HKDC1: variants seen among roughly 807,000 people sequenced by gnomAD.
The protein encoded by HKDC1 is hexokinase domain containing 1.
In HKDC1, 66 loss-of-function variants were observed where a neutral mutation model predicts 96.6. That is an observed-to-expected ratio of 0.68 (90% confidence interval 0.56 to 0.84). The LOEUF (loss-of-function observed/expected upper bound fraction) is 0.84, where lower values mean the gene tolerates loss of function less well. Among genes scored for constraint, HKDC1 ranks in the 40% least tolerant of loss-of-function variants. The pLI, the probability that HKDC1 is intolerant of heterozygous loss-of-function variation, is 0.00. For missense variants in HKDC1, 1,211 were observed against 1,208.1 expected, an observed-to-expected ratio of 1.00 and a Z score of -0.04; for synonymous variants, 466 against 473.1, an observed-to-expected ratio of 0.98 and a Z score of 0.20.
At chr10:69,244,616 G>A (rs1232192539) in intron 7 of HKDC1, among the ~76,000 whole-genome samples, 1 of 151,870 alleles carries the variant, frequency 6.6e-6, no homozygotes, top group African/African-American at 2.4e-5. Flanking sequence ...TGGAATTTGA[G>A]ACCAGCTTGG....
chr10:69,265,847 G>A (rs1333901528), intron 17 of HKDC1, 29 bp downstream of exon 17: 9 of 1,548,776 alleles, frequency 5.8e-6, no homozygotes, highest in South Asian at 2.3e-5. Flanking sequence ...CGTGGCGGGT[G>A]GGGCTGGGGA....
intron 12 of HKDC1, 24 bp downstream of exon 12, chr10:69,250,676 C>T (rs766342528): frequency 1.2e-5 from 20 of 1,611,320 alleles, no homozygotes; most frequent in East Asian, 8.9e-5. Flanking sequence ...ACCAGGCTCA[C>T]GGCCAGCCCA....
rs553386047 is a variant in HKDC1 at position 69,250,187 on chromosome 10, A to G, written c.1571-103A>G. The G allele has an allele frequency of 4.9e-5, 63 of 1,273,538 alleles. No homozygotes were observed. The African/African-American group carries it at 7.8e-4, about 16-fold the overall frequency. 78.9% of individuals were successfully genotyped at this position (1,273,538 alleles called of 1,614,324 possible). A position where few individuals can be genotyped will look rare whatever the true frequency, so the allele number is the denominator to read the frequency against. ...GACCCTCTGGTCTATGAGGCCCAGGAGTGCAGGCCCTGGGTCCGCTCTGCT... is the reference window on the plus strand; with the variant it reads ...GACCCTCTGGTCTATGAGGCCCAGGGGTGCAGGCCCTGGGTCCGCTCTGCT... On this transcript the variant is annotated intron_variant, in intron 10 of 17. Transcript: ENST00000354624.
At chr10:69,223,192 A>G (rs1843094458) in intron 1 of HKDC1, 1 of 152,220 alleles carries the variant, frequency 6.6e-6, no homozygotes, top group South Asian at 2.1e-4. Flanking sequence ...CCACAGGAGA[A>G]CTGGGAGGTT....
rs35746503 is a variant in HKDC1 at position 69,232,878 on chromosome 10, C to G, written c.341C>G (p.Thr114Arg). The part of the protein sequence containing the change: ...HVQMESQFYP[T>R]PNEIIRGNGT... ...CAGATGGAGAGTCAGTTCTACCCAA[C>G]GCCCAATGAAATCATCCGCGGGAAC... Residue 114 changes from threonine (T) to arginine (R), a missense_variant, in exon 3 of 18, where the codon ACG (threonine) becomes AGG (arginine). Transcript: ENST00000354624. The G allele has an allele frequency of 6.2e-7, 1 of 1,613,764 alleles. No individual in the cohort carries two copies. The highest frequency in any genetic ancestry group is 1.7e-5 in the Admixed American group (1 of 60,030).
In HKDC1 at chr10:69,220,375, G is replaced by A. The variant is rs1353446662; in HGVS notation, c.-61G>A. ...TGGAAGCGTGCAACACTCCAGAGTC[G>A]TAGGAGTGAACACTGCACAGGAATC... On this transcript the variant is annotated 5_prime_UTR_variant, in exon 1 of 18. Transcript: ENST00000354624. 35 of 1,338,620 alleles carry A rather than the reference G, an allele frequency of 2.6e-5. No individual in the cohort carries two copies. Among genetic ancestry groups the A allele is most frequent in the South Asian group, 1.3e-4 (9 of 71,432 alleles). The allele number at this position is 1,338,620 out of a possible 1,614,324, so 82.9% of individuals were successfully genotyped here. A position where few individuals can be genotyped will look rare whatever the true frequency, so the allele number is the denominator to read the frequency against.
intron 2 of HKDC1, among the ~76,000 whole-genome samples, chr10:69,228,633 A>AG (rs996835777): frequency 1.3e-4 from 20 of 152,124 alleles, no homozygotes; most frequent in African/African-American, 4.6e-4. Context: ...TGGGAGGCCG[A>AG]GGGGGGCAGA....
intron 4 of HKDC1, among the ~76,000 whole-genome samples, chr10:69,236,673 G>A (rs112639815): frequency 0.11 from 17,115 of 151,624 alleles, 1,113 homozygotes; most frequent in Middle Eastern, 0.18. Flanking sequence ...CCAGCTACTC[G>A]GGAGGCTGAG....
At chr10:69,246,283 C>T in intron 8 of HKDC1, 49 bp downstream of exon 8, 1 of 1,599,222 alleles carries the variant, frequency 6.3e-7, no homozygotes, top group Non-Finnish European at 8.6e-7. Flanking sequence ...GGATGGGAGG[C>T]CCAGGTGTGG....
In HKDC1 at chr10:69,227,340, C is replaced by T. The variant is rs74138158; in HGVS notation, c.197C>T (p.Thr66Ile). 1.4e-3 allele frequency: 2,206 copies of T among 1,614,220 alleles called. 28 individuals are homozygous for T. In the African/African-American group the frequency reaches 0.026, roughly 19 times the overall value. Residue 66 changes from threonine (T) to isoleucine (I), a missense_variant, in exon 2 of 18, where the codon ACC becomes ATC. Coordinates refer to ENST00000354624, the MANE Select transcript of HKDC1 (RefSeq NM_025130.4). ...ACGGCTGCAGTGAAGATGTTGCCCA[C>T]CTTCGTCAGGGCCATTCCCGATGGT... ...NPTAAVKMLP[T>I]FVRAIPDGSE...
intron 12 of HKDC1, among the ~76,000 whole-genome samples, chr10:69,252,890 C>A (rs1389472838): frequency 6.6e-6 from 1 of 151,242 alleles, no homozygotes; most frequent in Admixed American, 6.6e-5. Context: ...ATCCTAGCAC[C>A]GTGGGAGGCC....
intron 4 of HKDC1, among the ~76,000 whole-genome samples, chr10:69,234,108 C>T (rs1843323506): frequency 6.6e-6 from 1 of 152,030 alleles, no homozygotes; most frequent in Non-Finnish European, 1.5e-5. Context: ...CGTTCTGGGG[C>T]CAGGTTGGGG....
At chr10:69,221,216 CAAG>C (rs958563875) in intron 1 of HKDC1, among the ~76,000 whole-genome samples, 1 of 152,096 alleles carries the variant, frequency 6.6e-6, no homozygotes, top group Non-Finnish European at 1.5e-5. Flanking sequence ...ATGTGGGCAG[CAAG>C]AAGGTGTGAG....
chr10:69,257,052 G>C lies in HKDC1; in HGVS notation c.1853G>C (p.Trp618Ser). Reference protein sequence around the residue: ...MSIDKGTLIGWTKGFKATDCE... With the variant: ...MSIDKGTLIGSTKGFKATDCE... ...TTCTTTCAGGGAACACTCATAGGGT[G>C]GACCAAAGGTTTCAAGGCCACTGAC... Residue 618 changes from tryptophan to serine, a missense_variant, in exon 13 of 18, where the codon TGG becomes TCG. Coordinates refer to ENST00000354624, the MANE Select transcript of HKDC1 (RefSeq NM_025130.4). 1 of 1,613,936 alleles carries C rather than the reference G, an allele frequency of 6.2e-7. No homozygotes were observed. The highest frequency in any genetic ancestry group is 8.5e-7 in the Non-Finnish European group (1 of 1,179,824).
Position 69,257,307 on chromosome 10 carries a change from GTT to G in HKDC1, c.1933-16_1933-15del. 6.2e-7 allele frequency: 1 copy of G among 1,601,162 alleles called. No homozygotes were observed. The highest frequency in any genetic ancestry group is 8.5e-7 in the Non-Finnish European group (1 of 1,169,642). ...CTCATAGTAAAGCTGGGTTTTTTTT[GTT>G]TTTGTTTTTGTTTTTAGGAGTTTGA... On this transcript the variant is annotated intron_variant, in intron 13 of 17. Coordinates refer to ENST00000354624, the MANE Select transcript of HKDC1 (RefSeq NM_025130.4).
At chr10:69,265,525 A>G in intron 16 of HKDC1, 60 bp from the exon 17 acceptor site, 1 of 1,461,744 alleles carries the variant, frequency 6.8e-7, no homozygotes, top group African/African-American at 1.4e-5. Flanking sequence ...TGTGGGTCAC[A>G]CTGGGCACAT....
At chr10:69,248,896 C>A (rs1843589905) in intron 10 of HKDC1, 168 bp downstream of exon 10, 1 of 659,168 alleles carries the variant, frequency 1.5e-6, no homozygotes, top group Non-Finnish European at 2.5e-6. Context: ...CCTTTGTTAA[C>A]CCAAGGCATT....
intron 12 of HKDC1, among the ~76,000 whole-genome samples, chr10:69,255,927 A>C (rs1004138346): frequency 1.8e-4 from 27 of 152,006 alleles, no homozygotes; most frequent in Non-Finnish European, 3.5e-4. Context: ...AAAAAAAAAA[A>C]AAACAAAAAA....
At chr10:69,242,439 A>AAC (rs1843469211) in intron 6 of HKDC1, among the ~76,000 whole-genome samples, 3 of 146,140 alleles carry the variant, frequency 2.1e-5, no homozygotes, top group Middle Eastern at 3.4e-3. Flanking sequence ...GAAAAAAAAA[A>AAC]AAAAAAAAAA....
Sources: gnomAD v4.1 joint callset for allele counts (sites outside exome capture counted in the v4.1 genomes callset) on GRCh38, gnomAD v4.1.1 for gene constraint, MANE v1.5 for transcripts, NCBI Gene and HGNC (gene_info 2026-07-23, HGNC 2026-07-21) for gene names.